Variants in NUDT7 observed in about 807,000 individuals in gnomAD.
NUDT7 encodes the protein nudix hydrolase 7, also known as peroxisomal coenzyme A diphosphatase NUDT7.
NUDT7 carries 19 observed loss-of-function variants against 13.1 expected under a neutral mutation model. The ratio of observed to expected loss-of-function variants is 1.45; its 90% CI spans 1.01 to 2.13. The LOEUF (loss-of-function observed/expected upper bound fraction) is 2.13. NUDT7 is among the 30% of genes most tolerant of loss of function. NUDT7 has a pLI of 0.00. For synonymous variants in NUDT7, 132 were observed against 109.7 expected (o/e 1.20, Z -1.27); for missense variants, 360 against 291.7 (o/e 1.23, Z -1.71).
intron 2 of NUDT7, among the ~76,000 whole-genome samples, chr16:77,735,133 C>G (rs1468125577): frequency 2.6e-5 from 4 of 152,088 alleles, no homozygotes; most frequent in Non-Finnish European, 5.9e-5. Flanking sequence ...AATATTGCCC[C>G]TTACATTATT....
intron 2 of NUDT7, among the ~76,000 whole-genome samples, chr16:77,728,318 C>T (rs564454029): frequency 1.6e-4 from 25 of 152,294 alleles, no homozygotes; most frequent in African/African-American, 3.8e-4. Flanking sequence ...CTGCAACCTC[C>T]GCCTCTTGGG....
chr16:77,739,725 T>G (rs532598024), intron 3 of NUDT7, among the ~76,000 whole-genome samples: 24 of 152,224 alleles, frequency 1.6e-4, no homozygotes, highest in African/African-American at 5.1e-4. Context: ...TGACAACACT[T>G]GGCAGCTTTC....
intron 3 of NUDT7, among the ~76,000 whole-genome samples, chr16:77,738,583 T>A (rs2014562478): frequency 6.6e-6 from 1 of 152,168 alleles, no homozygotes; most frequent in South Asian, 2.1e-4. Flanking sequence ...CTGGAGATCA[T>A]AGCTGGGAGT....
intron 2 of NUDT7, among the ~76,000 whole-genome samples, chr16:77,733,070 A>T (rs2014368686): frequency 6.6e-6 from 1 of 152,192 alleles, no homozygotes; most frequent in African/African-American, 2.4e-5. Flanking sequence ...GGATTTAGCT[A>T]TGGCAGCAAT....
intron 2 of NUDT7, among the ~76,000 whole-genome samples, chr16:77,729,275 T>G (rs1055537437): frequency 1.3e-5 from 2 of 152,166 alleles, no homozygotes; most frequent in African/African-American, 4.8e-5. Flanking sequence ...TTAAATAGAT[T>G]TAACTTGTAG....
Position 77,737,906 on chromosome 16 carries a change from C to A in NUDT7, c.348+1920C>A, listed in dbSNP as rs531840154. Among the ~76,000 whole-genome samples, 43 of 152,216 alleles carry A rather than the reference C, an allele frequency of 2.8e-4. No homozygotes were observed. In the South Asian group the frequency reaches 8.7e-3, roughly 31 times the overall value. On this transcript the variant is annotated intron_variant, in intron 3 of 3. Transcript: ENST00000268533. ...CCTTTATGTTCCACTTGACTGAAGT[C>A]TTGGTGGGGCAGTGTTTTGAAGATC...
intron 1 of NUDT7, 122 bp downstream of exon 1, chr16:77,722,739 C>A: frequency 1.1e-6 from 1 of 912,418 alleles, no homozygotes; most frequent in Non-Finnish European, 1.7e-6. Context: ...CACCTGCGAG[C>A]GCCGGATGGG....
intron 1 of NUDT7, among the ~76,000 whole-genome samples, 168 bp downstream of exon 1, chr16:77,722,785 A>G (rs111862878): frequency 1.3e-3 from 202 of 152,240 alleles, no homozygotes; most frequent in African/African-American, 4.7e-3. Flanking sequence ...AGGGTCCCCG[A>G]ACCTTTGCAC....
intron 2 of NUDT7, among the ~76,000 whole-genome samples, chr16:77,726,021 G>A (rs1433908024): frequency 6.6e-6 from 1 of 152,120 alleles, no homozygotes; most frequent in African/African-American, 2.4e-5. Flanking sequence ...CTTCAGAATT[G>A]CCTACTATCC....
intron 2 of NUDT7, among the ~76,000 whole-genome samples, chr16:77,726,077 T>C (rs1023105220): frequency 8.5e-5 from 13 of 152,122 alleles, no homozygotes; most frequent in Admixed American, 7.2e-4. Context: ...AGGGCCACTG[T>C]TTTAGACTAT....
intron 1 of NUDT7, among the ~76,000 whole-genome samples, chr16:77,724,132 C>T (rs1175131073): frequency 2.0e-5 from 3 of 152,142 alleles, no homozygotes; most frequent in African/African-American, 7.2e-5. Context: ...CTGGGGGTGA[C>T]CTTTCCTTGC....
intron 2 of NUDT7, chr16:77,735,368 C>A: frequency 1.9e-6 from 1 of 539,474 alleles, no homozygotes; most frequent in Non-Finnish European, 3.3e-6. Flanking sequence ...AGCACCTCCC[C>A]TCCCTCTCTC....
intron 2 of NUDT7, among the ~76,000 whole-genome samples, chr16:77,732,369 A>G (rs1481607208): frequency 6.6e-6 from 1 of 152,076 alleles, no homozygotes; most frequent in African/African-American, 2.4e-5. Flanking sequence ...TAAACATACT[A>G]TAGCCTAAGT....
chr16:77,731,251 G>T (rs2014309480), intron 2 of NUDT7, among the ~76,000 whole-genome samples: 1 of 152,114 alleles, frequency 6.6e-6, no homozygotes, highest in African/African-American at 2.4e-5. Context: ...GGTGTACAAG[G>T]CAAATTGAAT....
At chr16:77,737,176 G>T (rs1162908520) in intron 3 of NUDT7, among the ~76,000 whole-genome samples, 1 of 152,116 alleles carries the variant, frequency 6.6e-6, no homozygotes, top group African/African-American at 2.4e-5. Flanking sequence ...TGCTCTGTTT[G>T]CTTTTTACTA....
chr16:77,724,165 C>G (rs960953321), intron 1 of NUDT7, among the ~76,000 whole-genome samples: 2 of 152,162 alleles, frequency 1.3e-5, no homozygotes, highest in Admixed American at 1.3e-4. Flanking sequence ...CTGGTGGTTT[C>G]TGGCATTCCT....
intron 2 of NUDT7, among the ~76,000 whole-genome samples, chr16:77,727,229 G>A (rs997667862): frequency 3.3e-5 from 5 of 152,068 alleles, no homozygotes; most frequent in African/African-American, 7.2e-5. Flanking sequence ...CTTGCTGTGG[G>A]GAACTTCCAA....
rs1474668951 is a variant in NUDT7, at chr16:77,723,001, T to G, written c.35+384T>G. On this transcript the variant is annotated intron_variant, in intron 1 of 3. Transcript: ENST00000268533. ...AGTTGTGACCTTGGGTCTGTCAGTT[T>G]CGTAAACTCTCTGAGCCTGGAGGTG... 2.0e-5 allele frequency among the ~76,000 whole-genome samples: 3 copies of G among 152,288 alleles called. No homozygotes were observed. In the East Asian group the frequency reaches 5.8e-4, roughly 29 times the overall value.
Position 77,741,503 on chromosome 16 carries a change from C to T in NUDT7, c.349-79C>T, listed in dbSNP as rs761334199. 2.7e-5 allele frequency: 38 copies of T among 1,425,474 alleles called. No individual in the cohort carries two copies. The South Asian group carries it at 4.6e-4, about 17-fold the overall frequency. 88.3% of individuals were successfully genotyped at this position (1,425,474 alleles called of 1,614,324 possible). ...AGGTTCGGTGTATTTTCTTAGCTCA[C>T]CTAGAAGTGGCATGATTTTAGGATT... On this transcript the variant is annotated intron_variant, in intron 3 of 3. Transcript: ENST00000268533.
Sources: allele counts gnomAD v4.1 joint callset (sites outside exome capture counted in the v4.1 genomes callset), GRCh38; gene constraint gnomAD v4.1.1; transcripts MANE v1.5; gene names NCBI Gene and HGNC (gene_info 2026-07-23, HGNC 2026-07-21).